The following AGMO variants were observed in gnomAD, a reference collection of about 807,000 sequenced individuals.
AGMO encodes the protein alkylglycerol monooxygenase, also known as glyceryl-ether monooxygenase.
AGMO carries 75 observed loss-of-function variants against 60.2 expected under a neutral mutation model. That is an observed-to-expected ratio of 1.25 (90% CI 1.03 to 1.51). The LOEUF is 1.51. Among genes scored for constraint, AGMO ranks in the 40% most tolerant of loss-of-function variants. The pLI is 0.00. For missense variants in AGMO, 763 were observed against 525.5 expected, an observed-to-expected ratio of 1.45 and a Z score of -4.42; for synonymous variants, 261 against 177.1, an observed-to-expected ratio of 1.47 and a Z score of -3.76.
chr7:15,410,710 G>A (rs1198862048), intron 5 of AGMO, among the ~76,000 whole-genome samples: 1 of 151,724 alleles, frequency 6.6e-6, no homozygotes, highest in Non-Finnish European at 1.5e-5. Context: ...TAAATTACAA[G>A]TAAGTAAGAT....
the AGMO span, among the ~76,000 whole-genome samples, chr7:15,125,655 A>G: frequency 6.6e-6 from 1 of 152,032 alleles, no homozygotes; most frequent in African/African-American, 2.4e-5. Flanking sequence ...TCAGCTTAGA[A>G]AAAAGAGGCC....
chr7:15,346,871 A>G (rs1049099142), intron 12 of AGMO, among the ~76,000 whole-genome samples: 10 of 152,046 alleles, frequency 6.6e-5, no homozygotes, highest in East Asian at 3.9e-4. Flanking sequence ...ACTATTTTGT[A>G]TATCTAAATT....
Position 15,547,262 on chromosome 7 carries a change from G to C in AGMO, c.258-2339C>G, listed in dbSNP as rs1052796820. Among the ~76,000 whole-genome samples the C allele has an allele frequency of 5.9e-5, 9 of 152,198 alleles. No homozygotes were observed. In the South Asian group the frequency reaches 8.3e-4, roughly 14 times the overall value. ...CTGGGGAGCAAAATTTTCCCCAGTT[G>C]ATAACCTCTGCCTTGAAACAACTGA... On this transcript the variant is annotated intron_variant, in intron 2 of 12. Transcript: ENST00000342526.
At chr7:15,245,007 G>GA (rs902851310) in intron 12 of AGMO, among the ~76,000 whole-genome samples, 9 of 151,974 alleles carry the variant, frequency 5.9e-5, no homozygotes, top group Non-Finnish European at 1.3e-4. Context: ...TAGTATCTTG[G>GA]AAAAAATACA....
intron 3 of AGMO, among the ~76,000 whole-genome samples, chr7:15,505,196 T>C (rs547650356): frequency 6.6e-6 from 1 of 152,072 alleles, no homozygotes; most frequent in East Asian, 1.9e-4. Flanking sequence ...ATTACTACAT[T>C]GTACTCACAA....
intron 12 of AGMO, among the ~76,000 whole-genome samples, chr7:15,265,326 C>T (rs1402441882): frequency 6.6e-6 from 1 of 151,892 alleles, no homozygotes; most frequent in African/African-American, 2.4e-5. Context: ...AAAGAACTAC[C>T]TGTTGGGTAC....
At chr7:15,396,937 A>C (rs1196890490) in intron 5 of AGMO, among the ~76,000 whole-genome samples, 3 of 152,062 alleles carry the variant, frequency 2.0e-5, no homozygotes, top group Non-Finnish European at 4.4e-5. Context: ...CCCTCACCTG[A>C]TTAGTTAGCG....
At chr7:15,363,461 T>A (rs1313093570) in intron 12 of AGMO, among the ~76,000 whole-genome samples, 1 of 152,148 alleles carries the variant, frequency 6.6e-6, no homozygotes, top group Non-Finnish European at 1.5e-5. Flanking sequence ...TTATACTTCC[T>A]CCTTTTACAG....
intron 12 of AGMO, among the ~76,000 whole-genome samples, chr7:15,231,824 C>A (rs1782268860): frequency 6.6e-6 from 1 of 152,096 alleles, no homozygotes; most frequent in African/African-American, 2.4e-5. Context: ...GTGGCTGGTA[C>A]AAAGCTGTGC....
At chr7:15,166,569 G>C in the AGMO span, among the ~76,000 whole-genome samples, 1 of 152,098 alleles carries the variant, frequency 6.6e-6, no homozygotes, top group African/African-American at 2.4e-5. Flanking sequence ...TCCATCTTAC[G>C]TTTTAAGAAA....
At chr7:15,483,410 C>CAA (rs35937781) in intron 3 of AGMO, among the ~76,000 whole-genome samples, 4 of 151,674 alleles carry the variant, frequency 2.6e-5, no homozygotes, top group Admixed American at 6.6e-5. Flanking sequence ...ACTAAAAATA[C>CAA]AAAAAATTAG....
intron 3 of AGMO, among the ~76,000 whole-genome samples, chr7:15,482,882 T>C (rs942100381): frequency 6.6e-6 from 1 of 152,212 alleles, no homozygotes; most frequent in Admixed American, 6.5e-5. Context: ...GGGAAAATAA[T>C]ATAAGCATGT....
chr7:15,380,886 CA>C (rs778394197), intron 10 of AGMO, among the ~76,000 whole-genome samples: 7 of 152,136 alleles, frequency 4.6e-5, no homozygotes, highest in South Asian at 2.1e-4. Flanking sequence ...TGCACAACTA[CA>C]ACTATCTCAT....
intron 12 of AGMO, among the ~76,000 whole-genome samples, chr7:15,228,254 G>A (rs540038853): frequency 2.9e-4 from 44 of 151,988 alleles, no homozygotes; most frequent in African/African-American, 7.0e-4. Flanking sequence ...TAAATTAACA[G>A]GTAGTTTGAG....
chr7:15,560,237 T>A lies in AGMO; in HGVS notation c.161A>T (p.Glu54Val). The A allele has an allele frequency of 6.2e-7, 1 of 1,612,778 alleles. No homozygotes were observed. Residue 54 changes from glutamate (E) to valine (V), a missense_variant, in exon 2 of 13, where the codon GAA becomes GTA. By Grantham distance (121) the Glu-to-Val change is moderately radical. Coordinates refer to ENST00000342526, the MANE Select transcript of AGMO (RefSeq NM_001004320.2). ...TPFFISLMLL[E>V]LVVSWILKGK... is the part of the protein sequence containing the mutation. ...TTTGAGAATCCAGCTGACAACAAGT[T>A]CAAGCAGCATCAAAGAAATGAAAAA...
chr7:15,447,898 A>G (rs1407419242), intron 3 of AGMO, among the ~76,000 whole-genome samples: 2 of 152,184 alleles, frequency 1.3e-5, no homozygotes, highest in Non-Finnish European at 1.5e-5. Context: ...TATCTTTCAT[A>G]AAGAACCATG....
At chr7:15,367,583 T>A (rs1285782482) in intron 10 of AGMO, among the ~76,000 whole-genome samples, 3 of 152,080 alleles carry the variant, frequency 2.0e-5, no homozygotes, top group Non-Finnish European at 4.4e-5. Context: ...ATGATGACAG[T>A]AGAATACATA....
At chr7:15,492,146 A>T (rs181958584) in intron 3 of AGMO, among the ~76,000 whole-genome samples, 131 of 152,238 alleles carry the variant, frequency 8.6e-4, no homozygotes, top group Admixed American at 5.4e-3. Flanking sequence ...AAATAGGGAG[A>T]TATGTTTTTT....
rs1280105885 is a variant in AGMO, at chr7:15,354,515, TA to T, written c.1263+10998del. Among the ~76,000 whole-genome samples, 19 of 90,068 alleles carry T rather than the reference TA, an allele frequency of 2.1e-4. 2 individuals carry two copies. The highest frequency in any genetic ancestry group is 1.1e-3 in the Admixed American group (11 of 9,994). The allele number at this position is 90,068 out of a possible 152,430, so 59.1% of individuals were successfully genotyped here. A position where few individuals can be genotyped will look rare whatever the true frequency, so the allele number is the denominator to read the frequency against. On this transcript the variant is annotated intron_variant, in intron 12 of 12. Transcript: ENST00000342526. The stretch of plus-strand genomic sequence containing the variant: ...ACACGTGTATATATATATATATATA[TA>T]TATATATATATATATATATATATAG...
Sources: allele counts gnomAD v4.1 joint callset (sites outside exome capture counted in the v4.1 genomes callset), GRCh38; gene constraint gnomAD v4.1.1; transcripts MANE v1.5; gene names NCBI Gene and HGNC (gene_info 2026-07-23, HGNC 2026-07-21).